Variants in CAMK1D observed in about 807,000 individuals in gnomAD.
CAMK1D encodes calcium/calmodulin dependent protein kinase ID.
Under a neutral mutation model 47.7 loss-of-function variants are expected in CAMK1D, and 9 were observed. The observed-to-expected ratio is 0.19, with a 90% CI of 0.11 to 0.33. CAMK1D has a LOEUF of 0.33. Ranked by LOEUF, CAMK1D falls within the 10% of genes least tolerant of loss-of-function variation. The pLI, the probability that CAMK1D is intolerant of heterozygous loss-of-function variation, is 1.00. For synonymous variants in CAMK1D, 184 were observed against 184.9 expected (o/e 0.99, Z 0.04); for missense variants, 291 against 488.7 (o/e 0.60, Z 3.81).
At chr10:12,655,582 A>G (rs1179582398) in intron 2 of CAMK1D, among the ~76,000 whole-genome samples, 2 of 152,228 alleles carry the variant, frequency 1.3e-5, no homozygotes, top group East Asian at 3.8e-4. Flanking sequence ...TCATTCATTC[A>G]TTCATTCTTC....
chr10:12,820,149 C>A (rs545174223), intron 8 of CAMK1D, among the ~76,000 whole-genome samples: 130 of 152,292 alleles, frequency 8.5e-4, no homozygotes, highest in African/African-American at 3.0e-3. Flanking sequence ...AAACGATTCT[C>A]CTGCCTCAGC....
intron 3 of CAMK1D, among the ~76,000 whole-genome samples, chr10:12,696,411 C>A (rs775688657): frequency 6.6e-6 from 1 of 152,062 alleles, no homozygotes; most frequent in Non-Finnish European, 1.5e-5. Context: ...GTGGCGTGCA[C>A]CTGTAATCCC....
At chr10:12,415,455 A>ATTT (rs5783266) in intron 1 of CAMK1D, among the ~76,000 whole-genome samples, 7,439 of 92,974 alleles carry the variant, frequency 0.08, 604 homozygotes, top group Non-Finnish European at 0.11. Context: ...CGCCTGGCTA[A>ATTT]TTTTTTTTTT....
At chr10:12,656,181 C>A (rs1276007785) in intron 2 of CAMK1D, among the ~76,000 whole-genome samples, 1 of 152,090 alleles carries the variant, frequency 6.6e-6, no homozygotes, top group East Asian at 1.9e-4. Flanking sequence ...GGGACCATTA[C>A]AGGCTCTAGC....
intron 1 of CAMK1D, among the ~76,000 whole-genome samples, chr10:12,496,405 G>T (rs1834541028): frequency 6.6e-6 from 1 of 152,070 alleles, no homozygotes; most frequent in Non-Finnish European, 1.5e-5. Flanking sequence ...CTGTCTTGTT[G>T]CTCTGTCTTG....
At chr10:12,693,900 T>A (rs1240311301) in intron 3 of CAMK1D, among the ~76,000 whole-genome samples, 1 of 110,094 alleles carries the variant, frequency 9.1e-6, no homozygotes, top group African/African-American at 3.4e-5. Flanking sequence ...ATATATAAAA[T>A]ATATATATAA....
Position 12,451,894 on chromosome 10 carries a change from T to C in CAMK1D, c.93-101331T>C, listed in dbSNP as rs537972267. Among the ~76,000 whole-genome samples the C allele has an allele frequency of 1.9e-3, 291 of 152,272 alleles. 1 individual carries two copies. Among genetic ancestry groups the C allele is most frequent in the African/African-American group, 6.8e-3 (281 of 41,548 alleles). On this transcript the variant is annotated intron_variant, in intron 1 of 10. Transcript: ENST00000619168. Reference sequence around the variant, plus strand: ...GTGTCCCGGGGGCTACTCTGGCCGATGGGCCTTCGACCACCGGGGTCCCAG... The same window carrying C: ...GTGTCCCGGGGGCTACTCTGGCCGACGGGCCTTCGACCACCGGGGTCCCAG...
intron 4 of CAMK1D, among the ~76,000 whole-genome samples, chr10:12,762,902 AG>A (rs1404369891): frequency 2.0e-5 from 3 of 152,186 alleles, no homozygotes; most frequent in Non-Finnish European, 4.4e-5. Context: ...ACACATAGGC[AG>A]CTCTCTCTGA....
chr10:12,587,238 GACTGAGGAGT>G (rs1216167157), intron 2 of CAMK1D, among the ~76,000 whole-genome samples: 1 of 152,154 alleles, frequency 6.6e-6, no homozygotes, highest in East Asian at 1.9e-4. Context: ...AATAAGCAAT[GACTGAGGAGT>G]AGCCAGCCCA....
At chr10:12,540,664 A>T (rs888460698) in intron 1 of CAMK1D, among the ~76,000 whole-genome samples, 2 of 152,226 alleles carry the variant, frequency 1.3e-5, no homozygotes, top group African/African-American at 4.8e-5. Context: ...ATGAAAACTG[A>T]TCTGGACAGA....
chr10:12,560,098 C>T (rs1836888501), intron 2 of CAMK1D, among the ~76,000 whole-genome samples: 8 of 152,104 alleles, frequency 5.3e-5, no homozygotes, highest in Admixed American at 5.2e-4. Flanking sequence ...TAGGGAACAG[C>T]CCCCAGAGAA....
In CAMK1D at chr10:12,666,719, T is replaced by C; in HGVS notation, c.225-17T>C. ...CTAATCATACTCACTATTTTGTGCGTCTATTTTTTTTTTCAGGATTAAGCA... is the reference window on the plus strand; with the variant it reads ...CTAATCATACTCACTATTTTGTGCGCCTATTTTTTTTTTCAGGATTAAGCA... On this transcript the variant is annotated splice_polypyrimidine_tract_variant and intron_variant, in intron 2 of 10. Transcript: ENST00000619168. 6.2e-7 allele frequency: 1 copy of C among 1,600,892 alleles called. No individual in the cohort carries two copies. Among genetic ancestry groups the C allele is most frequent in the South Asian group, 1.1e-5 (1 of 90,210 alleles).
intron 9 of CAMK1D, 149 bp downstream of exon 9, chr10:12,824,701 T>C (rs1833134602): frequency 3.0e-6 from 2 of 656,718 alleles, no homozygotes; most frequent in Non-Finnish European, 5.5e-6. Flanking sequence ...GGGAATATTA[T>C]GGTGTAAGAG....
intron 3 of CAMK1D, among the ~76,000 whole-genome samples, chr10:12,730,956 A>C (rs1466432037): frequency 1.3e-5 from 2 of 152,184 alleles, no homozygotes; most frequent in African/African-American, 4.8e-5. Context: ...GTGAGAATGA[A>C]AGAGTATGTT....
chr10:12,787,115 T>C (rs1263253612), intron 5 of CAMK1D, among the ~76,000 whole-genome samples: 1 of 135,462 alleles, frequency 7.4e-6, no homozygotes, highest in Non-Finnish European at 1.6e-5. Context: ...AGAATGAGAT[T>C]CCTTCTCAAA....
At chr10:12,753,021 G>A (rs1836060489) in intron 3 of CAMK1D, among the ~76,000 whole-genome samples, 1 of 152,188 alleles carries the variant, frequency 6.6e-6, no homozygotes, top group Non-Finnish European at 1.5e-5. Flanking sequence ...TGAGGCAGGT[G>A]GATCACAAGG....
chr10:12,387,448 T>TATA (rs1554763308), intron 1 of CAMK1D, among the ~76,000 whole-genome samples: 1 of 83,994 alleles, frequency 1.2e-5, no homozygotes, highest in African/African-American at 8.0e-5. Context: ...ATATATTTTA[T>TATA]ATATATATAT....
rs10795980 is a variant in CAMK1D at position 12,787,773 on chromosome 10, C to T, written c.566-3385C>T. Among the ~76,000 whole-genome samples the T allele has an allele frequency of 2.4e-4, 36 of 152,158 alleles. 1 individual carries two copies. Among genetic ancestry groups the T allele is most frequent in the African/African-American group, 8.5e-4 (35 of 41,404 alleles). The stretch of plus-strand genomic sequence containing the variant: ...TCCCAGCACTTTGGGAGGCTGAGGC[C>T]GGTGGATCATGAGGTCAGGAGTTCG... On this transcript the variant is annotated intron_variant, in intron 5 of 10. Coordinates refer to ENST00000619168, the MANE Select transcript of CAMK1D (RefSeq NM_153498.4).
At chr10:12,468,335 T>TA (rs1397865591) in intron 1 of CAMK1D, among the ~76,000 whole-genome samples, 1 of 152,238 alleles carries the variant, frequency 6.6e-6, no homozygotes, top group Non-Finnish European at 1.5e-5. Context: ...GTTCTGGCAT[T>TA]ACAGCCATGA....
Sources: gnomAD v4.1 joint callset for allele counts (sites outside exome capture counted in the v4.1 genomes callset) on GRCh38, gnomAD v4.1.1 for gene constraint, MANE v1.5 for transcripts, NCBI Gene and HGNC (gene_info 2026-07-23, HGNC 2026-07-21) for gene names.